Variants in PIP5K1B observed in about 807,000 individuals in gnomAD.
The protein encoded by PIP5K1B is phosphatidylinositol-4-phosphate 5-kinase type 1 beta, also known as phosphatidylinositol 4-phosphate 5-kinase type-1 beta.
PIP5K1B carries 42 observed loss-of-function variants against 67.0 expected under a neutral mutation model. The observed-to-expected ratio is 0.63, with a 90% CI of 0.49 to 0.81. The LOEUF is 0.81. Ranked by LOEUF, PIP5K1B falls within the 30% of genes least tolerant of loss-of-function variation. The pLI is 0.00. For synonymous variants in PIP5K1B, 214 were observed against 231.4 expected (o/e 0.92, Z 0.68); for missense variants, 459 against 646.3 (o/e 0.71, Z 3.14).
intron 5 of PIP5K1B, among the ~76,000 whole-genome samples, chr9:68,873,336 G>A (rs1284354231): frequency 7.2e-6 from 1 of 138,908 alleles, no homozygotes; most frequent in Non-Finnish European, 1.5e-5. Flanking sequence ...TGCCCAGGCT[G>A]GAGTGCAGTG....
intron 1 of PIP5K1B, among the ~76,000 whole-genome samples, chr9:68,712,003 A>G (rs1051905467): frequency 4.6e-5 from 7 of 152,176 alleles, no homozygotes; most frequent in Non-Finnish European, 8.8e-5. Context: ...AGGGATACTG[A>G]TACAGTTTTG....
intron 2 of PIP5K1B, among the ~76,000 whole-genome samples, chr9:68,763,357 T>C: frequency 6.6e-6 from 1 of 152,244 alleles, no homozygotes; most frequent in East Asian, 1.9e-4. Context: ...CCCCATTTAG[T>C]AAAACCAATA....
At chr9:68,953,617 A>C (rs1006888165) in intron 14 of PIP5K1B, among the ~76,000 whole-genome samples, 6 of 151,892 alleles carry the variant, frequency 4.0e-5, no homozygotes, top group African/African-American at 1.5e-4. Flanking sequence ...GGAGTTCGAG[A>C]CCAGCCTGGG....
chr9:68,911,627 A>C (rs1564226086), intron 8 of PIP5K1B, among the ~76,000 whole-genome samples: 1 of 152,152 alleles, frequency 6.6e-6, no homozygotes. Flanking sequence ...ATGGTGGCTC[A>C]TGCCTGTAAT....
chr9:68,838,527 C>A (rs4745321), intron 4 of PIP5K1B, among the ~76,000 whole-genome samples: 120,944 of 152,134 alleles, frequency 0.79, 48,098 homozygotes, highest in Admixed American at 0.84. Context: ...TAGCTTGAAA[C>A]ATTATTTTCT....
At chr9:68,780,681 A>T in intron 2 of PIP5K1B, 1 of 1,614,218 alleles carries the variant, frequency 6.2e-7, no homozygotes, top group Non-Finnish European at 8.5e-7. Context: ...ATTGCCTCCA[A>T]GCCCTATTCC....
chr9:68,890,879 T>C (rs1207621090), intron 7 of PIP5K1B, among the ~76,000 whole-genome samples: 1 of 152,238 alleles, frequency 6.6e-6, no homozygotes. Flanking sequence ...TCCATAGTTC[T>C]GAGCTCAGAT....
chr9:68,951,014 T>G (rs1283123514), intron 14 of PIP5K1B, among the ~76,000 whole-genome samples: 1 of 152,204 alleles, frequency 6.6e-6, no homozygotes, highest in Non-Finnish European at 1.5e-5. Flanking sequence ...TTGCATTTAG[T>G]TCATGATAGT....
At chr9:68,806,605 C>T (rs938743004) in intron 2 of PIP5K1B, among the ~76,000 whole-genome samples, 1 of 152,222 alleles carries the variant, frequency 6.6e-6, no homozygotes, top group Non-Finnish European at 1.5e-5. Context: ...TAATCATCCT[C>T]TTCCCTTGAA....
intron 2 of PIP5K1B, among the ~76,000 whole-genome samples, chr9:68,759,543 GAAAC>G (rs1380579815): frequency 5.3e-5 from 8 of 152,024 alleles, no homozygotes; most frequent in Middle Eastern, 6.8e-3. Flanking sequence ...AAAAACGGAA[GAAAC>G]AAACAGAAAA....
intron 2 of PIP5K1B, among the ~76,000 whole-genome samples, 197 bp downstream of exon 2, chr9:68,742,854 C>T (rs1485637387): frequency 6.6e-6 from 1 of 152,150 alleles, no homozygotes; most frequent in Non-Finnish European, 1.5e-5. Context: ...AAGAACACTA[C>T]AGCATCTGAC....
chr9:68,770,469 A>G (rs1358377518), intron 2 of PIP5K1B, among the ~76,000 whole-genome samples: 3 of 152,158 alleles, frequency 2.0e-5, no homozygotes, highest in Non-Finnish European at 2.9e-5. Context: ...GAATAATTTG[A>G]GTATTGACTT....
chr9:68,718,016 A>G (rs1827711534), intron 1 of PIP5K1B, among the ~76,000 whole-genome samples: 1 of 152,176 alleles, frequency 6.6e-6, no homozygotes. Context: ...CATGAGTGCA[A>G]TCTGCCATCC....
chr9:68,708,779 A>C (rs1275710691), intron 1 of PIP5K1B, among the ~76,000 whole-genome samples: 2 of 151,910 alleles, frequency 1.3e-5, no homozygotes, highest in Non-Finnish European at 2.9e-5. Context: ...TTCTCTTTCT[A>C]CTCCTCCTCT....
intron 2 of PIP5K1B, among the ~76,000 whole-genome samples, chr9:68,770,178 C>T (rs957365845): frequency 1.3e-5 from 2 of 152,230 alleles, no homozygotes; most frequent in African/African-American, 4.8e-5. Context: ...ACCTTTCTTT[C>T]TGCTCACTCT....
intron 8 of PIP5K1B, among the ~76,000 whole-genome samples, chr9:68,907,343 T>G (rs1229233133): frequency 6.6e-6 from 1 of 152,224 alleles, no homozygotes; most frequent in Non-Finnish European, 1.5e-5. Context: ...AACTGTCACC[T>G]TCATGCTAAG....
At chr9:68,911,033 T>C (rs1825820023) in intron 8 of PIP5K1B, among the ~76,000 whole-genome samples, 1 of 152,216 alleles carries the variant, frequency 6.6e-6, no homozygotes, top group African/African-American at 2.4e-5. Flanking sequence ...AGGGATGTGA[T>C]GTGACCTGGT....
intron 14 of PIP5K1B, among the ~76,000 whole-genome samples, chr9:68,969,359 C>T (rs990592783): frequency 9.9e-6 from 1 of 101,082 alleles, no homozygotes; most frequent in Admixed American, 1.3e-4. Flanking sequence ...CAGAGCGAGA[C>T]TCCACCTCAA....
chr9:68,755,313 C>T (rs1222179329), intron 2 of PIP5K1B, among the ~76,000 whole-genome samples: 2 of 152,154 alleles, frequency 1.3e-5, no homozygotes, highest in African/African-American at 2.4e-5. Context: ...AGCACCATGG[C>T]ACCTTGAAAG....
Sources: gnomAD v4.1 joint callset for allele counts (sites outside exome capture counted in the v4.1 genomes callset) on GRCh38, gnomAD v4.1.1 for gene constraint, MANE v1.5 for transcripts, NCBI Gene and HGNC (gene_info 2026-07-23, HGNC 2026-07-21) for gene names.